Variants in WARS2 observed in about 807,000 individuals in gnomAD.
WARS2 encodes tryptophanyl tRNA synthetase 2, mitochondrial.
A neutral mutation model predicts 36.5 loss-of-function variants in WARS2; 28 were observed. The observed-to-expected ratio is 0.77, with a 90% confidence interval of 0.57 to 1.05. The LOEUF (loss-of-function observed/expected upper bound fraction) is 1.05. Ranked by LOEUF, WARS2 falls within the 50% of genes least tolerant of loss-of-function variation. The probability of loss-of-function intolerance (pLI) is 0.00; values close to 1 mark genes in which losing one functional copy is unlikely to be tolerated. For missense variants in WARS2, 435 were observed against 456.8 expected, an observed-to-expected ratio of 0.95 and a Z score of 0.44; for synonymous variants, 174 against 178.4, an observed-to-expected ratio of 0.98 and a Z score of 0.20.
intron 1 of WARS2, among the ~76,000 whole-genome samples, chr1:119,127,757 C>A (rs1655774099): frequency 6.6e-6 from 1 of 152,168 alleles, no homozygotes. Flanking sequence ...ATCATTTGCT[C>A]TGGACTACAT....
chr1:119,065,360 T>C (rs1003972958), intron 2 of WARS2, among the ~76,000 whole-genome samples: 1 of 151,294 alleles, frequency 6.6e-6, no homozygotes. Context: ...GAAAATAAAA[T>C]GGAGGAGGGA....
At chr1:119,041,388 C>T (rs892580498) in intron 4 of WARS2, among the ~76,000 whole-genome samples, 1 of 152,096 alleles carries the variant, frequency 6.6e-6, no homozygotes, top group African/African-American at 2.4e-5. Flanking sequence ...AAGCCCTGGC[C>T]AGTAGTACAG....
chr1:119,085,219 C>T (rs1255392620), intron 1 of WARS2: 6 of 841,338 alleles, frequency 7.1e-6, no homozygotes, highest in South Asian at 4.0e-5. Flanking sequence ...GACCTGTGCT[C>T]GTGCTTGGGT....
chr1:119,100,855 C>G (rs1432688408), intron 1 of WARS2, among the ~76,000 whole-genome samples: 2 of 152,118 alleles, frequency 1.3e-5, no homozygotes, highest in Non-Finnish European at 2.9e-5. Flanking sequence ...CCAGGTTGGT[C>G]TCGAACTCCT....
chr1:119,112,110 C>T (rs192019123), intron 1 of WARS2, among the ~76,000 whole-genome samples: 241 of 152,048 alleles, frequency 1.6e-3, no homozygotes, highest in Admixed American at 7.4e-3. Context: ...TTAGTAGAGA[C>T]GGGGTTTCAC....
chr1:119,070,311 G>A (rs1324054340), intron 2 of WARS2, among the ~76,000 whole-genome samples: 1 of 152,000 alleles, frequency 6.6e-6, no homozygotes. Context: ...ACCCAGGCTG[G>A]AGTGCAGGGG....
chr1:119,052,300 G>GT (rs1649435287), intron 2 of WARS2, among the ~76,000 whole-genome samples: 1 of 152,142 alleles, frequency 6.6e-6, no homozygotes, highest in Admixed American at 6.5e-5. Context: ...ATTGGGTCCT[G>GT]TAAGTTTTAG....
intron 5 of WARS2, among the ~76,000 whole-genome samples, chr1:119,033,631 C>T (rs749880466): frequency 2.2e-4 from 34 of 152,234 alleles, no homozygotes; most frequent in East Asian, 5.8e-4. Context: ...GATGATTCTG[C>T]CCAATTATAG....
intron 1 of WARS2, among the ~76,000 whole-genome samples, chr1:119,096,603 T>G (rs1216281949): frequency 6.6e-6 from 1 of 152,202 alleles, no homozygotes; most frequent in East Asian, 1.9e-4. Context: ...AATTTACTTA[T>G]GAGTTTTTGA....
At chr1:119,115,962 G>A (rs928687424) in intron 1 of WARS2, among the ~76,000 whole-genome samples, 2 of 152,140 alleles carry the variant, frequency 1.3e-5, no homozygotes, top group Non-Finnish European at 2.9e-5. Flanking sequence ...CTTATAGAAA[G>A]ACTCTCACAC....
intron 1 of WARS2, among the ~76,000 whole-genome samples, chr1:119,091,728 G>C (rs987955129): frequency 2.6e-5 from 4 of 152,144 alleles, no homozygotes; most frequent in Non-Finnish European, 5.9e-5. Flanking sequence ...TCTAAACACA[G>C]GTGGTGAGAG....
At chr1:119,051,397 T>C (rs1271085922) in intron 2 of WARS2, among the ~76,000 whole-genome samples, 1 of 152,226 alleles carries the variant, frequency 6.6e-6, no homozygotes, top group Non-Finnish European at 1.5e-5. Context: ...CAGTAATCCA[T>C]GGTAAAATGT....
rs1651738032 is a variant in WARS2, at chr1:119,076,446, G to A, written c.252C>T (p.Asp84=). ...VDLHSITVPQ[D]PAVLRQSILD... ...GGATGCTCTGCCGAAGGACAGCTGG[G>A]TCTTGGGGGACAGTAATGGAGTGGA... Residue 84 remains aspartate (D), a synonymous_variant, in exon 2 of 6, where the codon GAC becomes GAT. Coordinates refer to ENST00000235521, the MANE Select transcript of WARS2 (RefSeq NM_015836.4). 9 of 1,614,168 alleles carry A rather than the reference G, an allele frequency of 5.6e-6. No homozygotes were observed. The highest frequency in any genetic ancestry group is 7.6e-6 in the Non-Finnish European group (9 of 1,180,028).
At chr1:119,113,558 T>C (rs1654784953) in intron 1 of WARS2, among the ~76,000 whole-genome samples, 1 of 152,012 alleles carries the variant, frequency 6.6e-6, no homozygotes, top group Non-Finnish European at 1.5e-5. Context: ...AAAAGATAAA[T>C]GTCCTTTAAA....
intron 2 of WARS2, among the ~76,000 whole-genome samples, chr1:119,051,873 C>G (rs1403294488): frequency 6.6e-6 from 1 of 150,872 alleles, no homozygotes; most frequent in African/African-American, 2.4e-5. Context: ...ATTCTCCTGC[C>G]TTACCCTCCC....
chr1:119,038,480 A>G (rs141190854), intron 4 of WARS2, among the ~76,000 whole-genome samples: 19 of 152,300 alleles, frequency 1.2e-4, no homozygotes, highest in Admixed American at 1.2e-3. Context: ...CTTATTTTCA[A>G]TGGTCCTCAA....
intron 2 of WARS2, among the ~76,000 whole-genome samples, chr1:119,051,762 A>ATT (rs527937756): frequency 0.13 from 15,318 of 113,766 alleles, 1,206 homozygotes; most frequent in East Asian, 0.21. Context: ...TCTCGCTGTA[A>ATT]TTTTTTTTTT....
intron 1 of WARS2, among the ~76,000 whole-genome samples, chr1:119,084,812 G>T (rs1652499005): frequency 6.6e-6 from 1 of 152,114 alleles, no homozygotes; most frequent in Admixed American, 6.5e-5. Context: ...GACAATGAAT[G>T]GTACGAAGAA....
intron 1 of WARS2, among the ~76,000 whole-genome samples, chr1:119,102,085 T>G (rs1221430796): frequency 2.0e-5 from 3 of 151,698 alleles, no homozygotes; most frequent in Non-Finnish European, 4.4e-5. Flanking sequence ...GGGTGGGCAA[T>G]AATTCGATTT....
Sources: gnomAD v4.1 joint callset for allele counts (sites outside exome capture counted in the v4.1 genomes callset) on GRCh38, gnomAD v4.1.1 for gene constraint, MANE v1.5 for transcripts, NCBI Gene and HGNC (gene_info 2026-07-23, HGNC 2026-07-21) for gene names.